Variants in PDE1C observed in about 807,000 individuals in gnomAD.
PDE1C encodes the protein dual specificity calcium/calmodulin-dependent 3',5'-cyclic nucleotide phosphodiesterase 1C.
Under a neutral mutation model 93.1 loss-of-function variants are expected in PDE1C, and 62 were observed. The observed-to-expected ratio is 0.67, with a 90% confidence interval of 0.54 to 0.82. PDE1C has a LOEUF of 0.82. Among genes scored for constraint, PDE1C ranks in the 40% least tolerant of loss-of-function variants. The probability of loss-of-function intolerance (pLI) is 0.00; values close to 1 mark genes in which losing one functional copy is unlikely to be tolerated. For missense variants in PDE1C, 742 were observed against 884.6 expected, an observed-to-expected ratio of 0.84 and a Z score of 2.04; for synonymous variants, 325 against 310.1, an observed-to-expected ratio of 1.05 and a Z score of -0.50.
At chr7:32,161,261 TAGTGTCC>T (rs1399413444) in intron 3 of PDE1C, among the ~76,000 whole-genome samples, 2 of 152,088 alleles carry the variant, frequency 1.3e-5, no homozygotes, top group African/African-American at 4.8e-5. Flanking sequence ...GGGCCAGTGG[TAGTGTCC>T]AGACAGCACA....
chr7:31,999,522 T>C lies in PDE1C; in HGVS notation c.128+52032A>G, dbSNP rs373158832. Among the ~76,000 whole-genome samples the C allele has an allele frequency of 1.1e-4, 17 of 152,106 alleles. 3 individuals are homozygous for C. The highest frequency in any genetic ancestry group is 6.5e-5 in the Admixed American group (1 of 15,278). On this transcript the variant is annotated intron_variant, in intron 2 of 17. Coordinates refer to ENST00000396191, the MANE Select transcript of PDE1C (RefSeq NM_001191057.4). ...GCACCAGGAATCTGCAAGACCCAGCTCTCTGACCCTGAAGCCACTTCACAC... is the reference window on the plus strand; with the variant it reads ...GCACCAGGAATCTGCAAGACCCAGCCCTCTGACCCTGAAGCCACTTCACAC...
chr7:31,630,215 G>A, the PDE1C span, among the ~76,000 whole-genome samples: 1 of 83,962 alleles, frequency 1.2e-5, no homozygotes, highest in African/African-American at 4.2e-5. Flanking sequence ...GAGGAAAAGA[G>A]GCAATCAAAG....
At chr7:32,116,910 A>G (rs1348062084) in intron 3 of PDE1C, among the ~76,000 whole-genome samples, 1 of 152,136 alleles carries the variant, frequency 6.6e-6, no homozygotes, top group South Asian at 2.1e-4. Context: ...CACCCTATAG[A>G]CCATTTCATG....
intron 16 of PDE1C, among the ~76,000 whole-genome samples, chr7:31,794,466 A>G (rs1584118545): frequency 2.0e-5 from 3 of 151,978 alleles, no homozygotes; most frequent in Admixed American, 6.6e-5. Flanking sequence ...TCTCTCTTTC[A>G]TTTAGCATGT....
intron 1 of PDE1C, among the ~76,000 whole-genome samples, chr7:32,389,210 G>GGTT (rs1562702870): frequency 2.0e-3 from 218 of 111,218 alleles, no homozygotes; most frequent in African/African-American, 7.2e-3. Flanking sequence ...GTTTTTGTTT[G>GGTT]TTTGTTTGTT....
intron 2 of PDE1C, among the ~76,000 whole-genome samples, chr7:31,906,667 A>G (rs143950907): frequency 0.034 from 5,102 of 152,266 alleles, 89 homozygotes; most frequent in South Asian, 0.073. Flanking sequence ...CTCATGCAGC[A>G]GTGAGCGAAT....
chr7:31,617,259 C>T, the PDE1C span, among the ~76,000 whole-genome samples: 5 of 16,388 alleles, frequency 3.1e-4, no homozygotes, highest in Non-Finnish European at 1.1e-3. Flanking sequence ...GAGATAACAA[C>T]AATTTAACTT....
intron 3 of PDE1C, among the ~76,000 whole-genome samples, chr7:32,104,136 A>G (rs1798174970): frequency 6.6e-6 from 1 of 152,192 alleles, no homozygotes; most frequent in Non-Finnish European, 1.5e-5. Flanking sequence ...TAGTGCAGTA[A>G]CATTTCCAAG....
At chr7:32,364,298 G>A (rs192806245) in intron 1 of PDE1C, among the ~76,000 whole-genome samples, 10 of 152,212 alleles carry the variant, frequency 6.6e-5, no homozygotes, top group East Asian at 1.9e-4. Flanking sequence ...GGTGATTGGC[G>A]CACATCTCAA....
chr7:32,260,248 T>G (rs939749941), intron 1 of PDE1C, among the ~76,000 whole-genome samples: 1 of 152,170 alleles, frequency 6.6e-6, no homozygotes, highest in Non-Finnish European at 1.5e-5. Context: ...CCACCAAAAG[T>G]CAATGAGCAA....
intron 2 of PDE1C, among the ~76,000 whole-genome samples, chr7:31,895,750 G>A (rs74589855): frequency 2.0e-5 from 3 of 151,906 alleles, no homozygotes; most frequent in Non-Finnish European, 4.4e-5. Flanking sequence ...TGCTGTTCTC[G>A]TGACAGTGAA....
chr7:31,638,175 T>G, the PDE1C span, among the ~76,000 whole-genome samples: 2 of 152,110 alleles, frequency 1.3e-5, no homozygotes, highest in Non-Finnish European at 2.9e-5. Context: ...TACCCACAGT[T>G]GATATAAGGA....
chr7:32,017,498 G>T (rs533371373), intron 2 of PDE1C, among the ~76,000 whole-genome samples: 2 of 152,036 alleles, frequency 1.3e-5, no homozygotes, highest in Admixed American at 1.3e-4. Context: ...CTTGATAAAC[G>T]GGTCTATATC....
At chr7:32,025,334 G>C (rs1789271377) in intron 2 of PDE1C, among the ~76,000 whole-genome samples, 1 of 152,128 alleles carries the variant, frequency 6.6e-6, no homozygotes, top group African/African-American at 2.4e-5. Flanking sequence ...GAAACCCAAG[G>C]CCAGGGTCCA....
At chr7:31,835,921 A>G (rs1244814602) in intron 11 of PDE1C, among the ~76,000 whole-genome samples, 1 of 152,166 alleles carries the variant, frequency 6.6e-6, no homozygotes, top group Non-Finnish European at 1.5e-5. Context: ...AATTATCACA[A>G]TCTAAATTTA....
intron 1 of PDE1C, among the ~76,000 whole-genome samples, chr7:32,328,489 C>A (rs1458733865): frequency 6.6e-6 from 1 of 152,186 alleles, no homozygotes; most frequent in Non-Finnish European, 1.5e-5. Flanking sequence ...ACCTGCCTGG[C>A]CAACTTCACC....
At chr7:32,199,253 G>A (rs1423931841) in intron 2 of PDE1C, among the ~76,000 whole-genome samples, 1 of 151,688 alleles carries the variant, frequency 6.6e-6, no homozygotes, top group African/African-American at 2.4e-5. Context: ...TCATTATAAT[G>A]TATCTGCCAA....
intron 1 of PDE1C, among the ~76,000 whole-genome samples, chr7:32,318,361 A>G (rs1306495164): frequency 6.6e-6 from 1 of 152,000 alleles, no homozygotes; most frequent in African/African-American, 2.4e-5. Flanking sequence ...ACATTCCCCA[A>G]ACCGCTCAGC....
At chr7:31,916,825 G>A (rs1463839528) in intron 2 of PDE1C, among the ~76,000 whole-genome samples, 1 of 152,210 alleles carries the variant, frequency 6.6e-6, no homozygotes, top group East Asian at 1.9e-4. Flanking sequence ...CACCTATCAT[G>A]ACAGTATCAG....
Sources: gnomAD v4.1 joint callset for allele counts (sites outside exome capture counted in the v4.1 genomes callset) on GRCh38, gnomAD v4.1.1 for gene constraint, MANE v1.5 for transcripts, NCBI Gene and HGNC (gene_info 2026-07-23, HGNC 2026-07-21) for gene names.